UBAP2L: variants seen among roughly 807,000 people sequenced by gnomAD.
UBAP2L encodes ubiquitin-associated protein 2-like.
A neutral mutation model predicts 130.6 loss-of-function variants in UBAP2L; 12 were observed. The ratio of observed to expected loss-of-function variants is 0.09; its 90% confidence interval spans 0.06 to 0.15. The LOEUF is 0.15. UBAP2L is among the 10% of genes least tolerant of loss of function. UBAP2L has a pLI of 1.00. For synonymous variants in UBAP2L, 503 were observed against 524.7 expected, an observed-to-expected ratio of 0.96 and a Z score of 0.57; for missense variants, 965 against 1,332.5, an observed-to-expected ratio of 0.72 and a Z score of 4.29.
chr1:154,254,545 G>A (rs1295074521), intron 15 of UBAP2L: 6 of 508,116 alleles, frequency 1.2e-5, no homozygotes, highest in Non-Finnish European at 2.1e-5. Flanking sequence ...TGTGGACTTT[G>A]GGCCTTTCCT....
At chr1:154,223,596 C>A (rs1327552050) in intron 1 of UBAP2L, among the ~76,000 whole-genome samples, 1 of 151,824 alleles carries the variant, frequency 6.6e-6, no homozygotes, top group Admixed American at 6.6e-5. Context: ...AGCAAATAAT[C>A]CTTTCTAGCT....
chr1:154,263,319 T>G, intron 24 of UBAP2L: 1 of 1,422,274 alleles, frequency 7.0e-7, no homozygotes, highest in Non-Finnish European at 9.1e-7. Context: ...AACTTGCCCC[T>G]CCCCCATTTC....
At chr1:154,220,287 G>C (rs1452295278), upstream of UBAP2L, 1 of 1,596,386 alleles carries the variant, frequency 6.3e-7, no homozygotes, top group African/African-American at 1.3e-5. Context: ...CTCAAAAGGA[G>C]GGTCTCTACT....
Position 154,251,487 on chromosome 1 carries a change from G to C in UBAP2L, c.1498G>C (p.Ala500Pro), listed in dbSNP as rs1677593980. ...KKASLTSKIP[A>P]LAVEMPGSAD... ...TTCTCCTTCAACTTTATAGATTCCT[G>C]CTCTGGCTGTGGAGATGCCTGGCTC... Residue 500 changes from alanine (A) to proline (P), a missense_variant, in exon 14 of 27, where the codon GCT (alanine) becomes CCT (proline). Ala to Pro is a conservative substitution (Grantham distance 27). Transcript: ENST00000428931. The C allele has an allele frequency of 3.7e-6, 6 of 1,613,822 alleles. No individual in the cohort carries two copies. The highest frequency in any genetic ancestry group is 4.2e-6 in the Non-Finnish European group (5 of 1,179,966).
chr1:154,229,702 T>G (rs1021795115), intron 4 of UBAP2L, among the ~76,000 whole-genome samples: 1 of 152,236 alleles, frequency 6.6e-6, no homozygotes, highest in East Asian at 1.9e-4. Flanking sequence ...GGACTCAAGC[T>G]AGCTGCCCGC....
upstream of UBAP2L, chr1:154,220,747 T>G (rs1041704121): frequency 3.2e-6 from 1 of 313,484 alleles, no homozygotes; most frequent in Non-Finnish European, 6.1e-6. Context: ...GGAGGCGGGG[T>G]GGACTCGCGG....
At position 154,259,012 on chromosome 1, in the gene UBAP2L, T is replaced by A. The variant is rs377236644; in HGVS notation, c.2478T>A (p.Leu826=). The change falls in exon 21 of 27, where the codon CTT becomes CTA. Residue 826 remains leucine (L), a synonymous_variant. Coordinates refer to ENST00000428931, the MANE Select transcript of UBAP2L (RefSeq NM_014847.4). ...ATGGTTATGATGACTTGCAGATGCT[T>A]CAGACAAGATTTCCATTGGTGAGTA... The part of the protein sequence containing the change: ...QVYGYDDLQM[L]QTRFPLDYYS... The A allele has an allele frequency of 6.2e-6, 10 of 1,613,886 alleles. No individual in the cohort carries two copies. Among genetic ancestry groups the A allele is most frequent in the African/African-American group, 1.3e-5 (1 of 74,918 alleles).
intron 4 of UBAP2L, among the ~76,000 whole-genome samples, chr1:154,228,956 C>T (rs1330112002): frequency 2.0e-5 from 3 of 152,138 alleles, no homozygotes; most frequent in Non-Finnish European, 4.4e-5. Flanking sequence ...AAATCAGTCT[C>T]TGCTAATTGG....
chr1:154,260,501 T>C (rs1243047332), intron 22 of UBAP2L, among the ~76,000 whole-genome samples: 2 of 152,214 alleles, frequency 1.3e-5, no homozygotes, highest in African/African-American at 4.8e-5. Context: ...ACCTGACCTA[T>C]CATTGTCCTC....
chr1:154,261,321 A>C (rs1339165202), intron 23 of UBAP2L, among the ~76,000 whole-genome samples: 2 of 152,212 alleles, frequency 1.3e-5, no homozygotes, highest in Non-Finnish European at 2.9e-5. Context: ...AATTTGCCAA[A>C]GGGAGAATAT....
chr1:154,262,226 A>T (rs1164471419), intron 24 of UBAP2L, among the ~76,000 whole-genome samples: 2 of 152,214 alleles, frequency 1.3e-5, no homozygotes, highest in South Asian at 4.1e-4. Flanking sequence ...TACTTAATAG[A>T]GTGGGAATTG....
intron 22 of UBAP2L, 149 bp downstream of exon 22, chr1:154,260,178 A>G (rs756098403): frequency 7.5e-6 from 6 of 795,548 alleles, no homozygotes; most frequent in Non-Finnish European, 1.2e-5. Context: ...GGCTTTTCCT[A>G]TTCATCCCAC....
chr1:154,248,158 G>T (rs973853558), intron 11 of UBAP2L, among the ~76,000 whole-genome samples: 6 of 151,932 alleles, frequency 3.9e-5, no homozygotes, highest in African/African-American at 1.4e-4. Context: ...GCAGAGACAG[G>T]GTTTCACCAT....
In UBAP2L at chr1:154,270,690, A is replaced by G; in HGVS notation, c.*395A>G. The G allele has an allele frequency of 1.4e-6, 2 of 1,414,154 alleles. No homozygotes were observed. Among genetic ancestry groups the G allele is most frequent in the East Asian group, 2.6e-5 (1 of 38,664 alleles). The allele number at this position is 1,414,154 out of a possible 1,614,324, so 87.6% of individuals were successfully genotyped here. On this transcript the variant is annotated 3_prime_UTR_variant, in exon 27 of 27. Transcript: ENST00000428931. ...CTCCTTCTTTATTATTAGGAAAACAACAACAACAACAAACAAAAAAATGGC... is the reference window on the plus strand; with the variant it reads ...CTCCTTCTTTATTATTAGGAAAACAGCAACAACAACAAACAAAAAAATGGC...
intron 4 of UBAP2L, among the ~76,000 whole-genome samples, chr1:154,228,987 CCAGGCTAGTGACTGTTTT>C (rs1365375555): frequency 6.6e-6 from 1 of 152,060 alleles, no homozygotes; most frequent in Admixed American, 6.5e-5. Context: ...ATTATTTATT[CCAGGCTAGTGACTGTTTT>C]CAGGCTGTGG....
At chr1:154,227,672 G>A (rs930844825) in intron 3 of UBAP2L, among the ~76,000 whole-genome samples, 1 of 151,606 alleles carries the variant, frequency 6.6e-6, no homozygotes, top group Non-Finnish European at 1.5e-5. Flanking sequence ...TCAGCCTCCC[G>A]AGTAGTTGGG....
At chr1:154,234,884 G>A (rs902498377) in intron 5 of UBAP2L, 125 bp downstream of exon 5, 30 of 1,366,304 alleles carry the variant, frequency 2.2e-5, no homozygotes, top group Admixed American at 6.4e-5. Flanking sequence ...TCTTGCCGTC[G>A]TCTGTTCTGA....
intron 8 of UBAP2L, among the ~76,000 whole-genome samples, chr1:154,238,970 A>C (rs574795323): frequency 6.4e-4 from 97 of 152,138 alleles, no homozygotes; most frequent in Admixed American, 6.4e-3. Context: ...CAAACTCCTG[A>C]CCTCAAGTGA....
intron 12 of UBAP2L, 64 bp downstream of exon 12, chr1:154,249,501 AG>A: frequency 6.3e-7 from 1 of 1,593,228 alleles, no homozygotes; most frequent in Non-Finnish European, 8.6e-7. Flanking sequence ...AGAGGCTAGC[AG>A]GGGGAGGGGG....
Sources: allele counts gnomAD v4.1 joint callset (sites outside exome capture counted in the v4.1 genomes callset), GRCh38; gene constraint gnomAD v4.1.1; transcripts MANE v1.5; gene names NCBI Gene and HGNC (gene_info 2026-07-23, HGNC 2026-07-21).